Variants in RGS7BP observed in about 807,000 individuals in gnomAD.
RGS7BP encodes the protein regulator of G protein signaling 7 binding protein, also known as regulator of G protein signaling 7-binding protein.
Under a neutral mutation model 31.3 loss-of-function variants are expected in RGS7BP, and 9 were observed. The ratio of observed to expected loss-of-function variants is 0.29; its 90% confidence interval spans 0.17 to 0.50. RGS7BP has a LOEUF of 0.50. Among genes scored for constraint, RGS7BP ranks in the 20% least tolerant of loss-of-function variants. The pLI, the probability that RGS7BP is intolerant of heterozygous loss-of-function variation, is 0.98. For synonymous variants in RGS7BP, 115 were observed against 120.1 expected, an observed-to-expected ratio of 0.96 and a Z score of 0.28; for missense variants, 274 against 322.0, an observed-to-expected ratio of 0.85 and a Z score of 1.14.
chr5:64,550,188 C>G (rs1741755613), intron 2 of RGS7BP, among the ~76,000 whole-genome samples: 1 of 152,188 alleles, frequency 6.6e-6, no homozygotes, highest in Non-Finnish European at 1.5e-5. Flanking sequence ...GCAGTCTGCT[C>G]TGACTGCCAT....
chr5:64,520,624 C>A (rs1034766047), intron 2 of RGS7BP, among the ~76,000 whole-genome samples: 1 of 152,194 alleles, frequency 6.6e-6, no homozygotes, highest in Admixed American at 6.5e-5. Context: ...CTAGACATGA[C>A]CCTATGGGAT....
rs531988935 is a variant in RGS7BP at position 64,605,020 on chromosome 5, A to T, written c.683-4141A>T. 2.6e-3 allele frequency among the ~76,000 whole-genome samples: 393 copies of T among 152,050 alleles called. 2 individuals are homozygous for T. The highest frequency in any genetic ancestry group is 8.6e-3 in the African/African-American group (357 of 41,464). Reference sequence around the variant, plus strand: ...CCCTGTCACTCCAAAAATAAATAAAATTTTTTTTAAAAATCTAAAAGAATT... The same window carrying T: ...CCCTGTCACTCCAAAAATAAATAAATTTTTTTTTAAAAATCTAAAAGAATT... On this transcript the variant is annotated intron_variant, in intron 5 of 5. Coordinates refer to ENST00000334025, the MANE Select transcript of RGS7BP (RefSeq NM_001029875.3).
At chr5:64,519,334 A>C (rs150437423) in intron 2 of RGS7BP, among the ~76,000 whole-genome samples, 1 of 152,216 alleles carries the variant, frequency 6.6e-6, no homozygotes, top group Admixed American at 6.5e-5. Context: ...CAGAAGCATA[A>C]AGATGAATCA....
chr5:64,507,880 A>G lies in RGS7BP; in HGVS notation c.332+3A>G. Reference sequence around the variant, plus strand: ...CAAAAATTGGCTGCCATCTCAGGGTAGGAGACTCGGCATTATTTGGTAATC... The same window carrying G: ...CAAAAATTGGCTGCCATCTCAGGGTGGGAGACTCGGCATTATTTGGTAATC... On this transcript the variant is annotated splice_donor_region_variant and intron_variant, in intron 2 of 5. Coordinates refer to ENST00000334025, the MANE Select transcript of RGS7BP (RefSeq NM_001029875.3). 6.2e-7 allele frequency: 1 copy of G among 1,610,006 alleles called. No homozygotes were observed. The highest frequency in any genetic ancestry group is 8.5e-7 in the Non-Finnish European group (1 of 1,177,834).
chr5:64,507,711 C>A lies in RGS7BP; in HGVS notation c.166C>A (p.Leu56Ile). The A allele has an allele frequency of 6.4e-7, 1 of 1,554,366 alleles. No homozygotes were observed. The highest frequency in any genetic ancestry group is 8.7e-7 in the Non-Finnish European group (1 of 1,151,908). Residue 56 changes from leucine to isoleucine, a missense_variant and splice_region_variant, in exon 2 of 6, where the codon CTT becomes ATT. Physicochemically the swap from Leu to Ile is conservative, Grantham distance 5. Coordinates refer to ENST00000334025, the MANE Select transcript of RGS7BP (RefSeq NM_001029875.3). ...AAAAAAAAACTCACTTCTTTTCCAG[C>A]TTGTCCAAGAGTTCAACACACAAGT... The part of the protein sequence containing the change: ...TQRALDDCKM[L>I]VQEFNTQVAL...
chr5:64,542,358 C>T (rs1457092166), intron 2 of RGS7BP, among the ~76,000 whole-genome samples: 1 of 152,176 alleles, frequency 6.6e-6, no homozygotes, highest in African/African-American at 2.4e-5. Flanking sequence ...TGTGAACATG[C>T]TGTTTTTTAA....
At chr5:64,596,346 A>G (rs1230221887) in intron 4 of RGS7BP, among the ~76,000 whole-genome samples, 1 of 152,128 alleles carries the variant, frequency 6.6e-6, no homozygotes, top group Non-Finnish European at 1.5e-5. Flanking sequence ...CTCAAACTGG[A>G]CTGCACAGTT....
intron 5 of RGS7BP, among the ~76,000 whole-genome samples, chr5:64,603,506 TG>T (rs1238413092): frequency 6.6e-6 from 1 of 152,134 alleles, no homozygotes; most frequent in African/African-American, 2.4e-5. Context: ...ACAAGAGTCC[TG>T]GAATACCAAA....
chr5:64,556,420 C>A (rs1194974016), intron 2 of RGS7BP, among the ~76,000 whole-genome samples: 4 of 35,238 alleles, frequency 1.1e-4, no homozygotes, highest in African/African-American at 6.0e-4. Flanking sequence ...TCCCCAGCCA[C>A]ACACACACAC....
chr5:64,513,412 T>C (rs926581788), intron 2 of RGS7BP, among the ~76,000 whole-genome samples: 1 of 152,202 alleles, frequency 6.6e-6, no homozygotes, highest in Non-Finnish European at 1.5e-5. Context: ...TTGATTTGTG[T>C]TTAATTTTTT....
chr5:64,576,045 T>G (rs941948148), intron 3 of RGS7BP, 141 bp downstream of exon 3: 4 of 715,494 alleles, frequency 5.6e-6, no homozygotes, highest in Non-Finnish European at 8.8e-6. Flanking sequence ...ATGCTTGCTA[T>G]ATAAATGAAT....
intron 3 of RGS7BP, among the ~76,000 whole-genome samples, chr5:64,590,102 TA>T (rs1385994054): frequency 2.6e-5 from 4 of 151,480 alleles, no homozygotes; most frequent in Non-Finnish European, 4.4e-5. Context: ...TAATCAAAGT[TA>T]AAAAAAATTG....
chr5:64,596,699 G>A (rs1265642928), intron 4 of RGS7BP, among the ~76,000 whole-genome samples: 1 of 152,102 alleles, frequency 6.6e-6, no homozygotes, highest in African/African-American at 2.4e-5. Flanking sequence ...CCATGAGAGT[G>A]GATTTGGAAA....
intron 2 of RGS7BP, among the ~76,000 whole-genome samples, chr5:64,567,334 C>T (rs1371101450): frequency 1.3e-5 from 2 of 152,120 alleles, no homozygotes; most frequent in Non-Finnish European, 2.9e-5. Context: ...TATTCTATAA[C>T]TATACAACTT....
rs117328648 is a variant in RGS7BP, at chr5:64,564,208, G to A, written c.333-11566G>A. Among the ~76,000 whole-genome samples, 551 of 152,190 alleles carry A rather than the reference G, an allele frequency of 3.6e-3. 13 individuals carry two copies. In the East Asian group the frequency reaches 0.05, roughly 14 times the overall value. ...CAGTTCCATATACCACCCTGCCACTGGTCATGTTCTGCCTCACTCTGCCCA... is the reference window on the plus strand; with the variant it reads ...CAGTTCCATATACCACCCTGCCACTAGTCATGTTCTGCCTCACTCTGCCCA... On this transcript the variant is annotated intron_variant, in intron 2 of 5. Coordinates refer to ENST00000334025, the MANE Select transcript of RGS7BP (RefSeq NM_001029875.3).
At position 64,609,047 on chromosome 5, in the gene RGS7BP, G is replaced by A. The variant is rs577499276; in HGVS notation, c.683-114G>A. The A allele has an allele frequency of 8.3e-6, 6 of 724,244 alleles. No homozygotes were observed. In the South Asian group the frequency reaches 9.2e-5, roughly 11 times the overall value. The allele number at this position is 724,244 out of a possible 1,614,324, so 44.9% of individuals were successfully genotyped here. A position where few individuals can be genotyped will look rare whatever the true frequency, so the allele number is the denominator to read the frequency against. ...AATCATCTGGTCCAAAATGCCAACAGTGCTGAGGTTGAGAAATCCTGATTA... is the reference window on the plus strand; with the variant it reads ...AATCATCTGGTCCAAAATGCCAACAATGCTGAGGTTGAGAAATCCTGATTA... On this transcript the variant is annotated intron_variant, in intron 5 of 5. Transcript: ENST00000334025.
intron 2 of RGS7BP, among the ~76,000 whole-genome samples, chr5:64,550,179 C>A (rs552553238): frequency 1.3e-5 from 2 of 152,284 alleles, no homozygotes; most frequent in South Asian, 2.1e-4. Context: ...TTTGTTATAG[C>A]AGTCTGCTCT....
At chr5:64,579,909 A>G (rs893350972) in intron 3 of RGS7BP, among the ~76,000 whole-genome samples, 20 of 152,156 alleles carry the variant, frequency 1.3e-4, no homozygotes, top group African/African-American at 4.8e-4. Context: ...ATTGTGTGCT[A>G]ATTCATATTC....
intron 2 of RGS7BP, among the ~76,000 whole-genome samples, chr5:64,537,705 A>T (rs2111799657): frequency 6.6e-6 from 1 of 152,340 alleles, no homozygotes; most frequent in East Asian, 1.9e-4. Flanking sequence ...TTAGATTATG[A>T]TAGAAATTCC....
Sources: gnomAD v4.1 joint callset for allele counts (sites outside exome capture counted in the v4.1 genomes callset) on GRCh38, gnomAD v4.1.1 for gene constraint, MANE v1.5 for transcripts, NCBI Gene and HGNC (gene_info 2026-07-23, HGNC 2026-07-21) for gene names.